The following KCNQ1 variants were observed in gnomAD, a reference collection of about 807,000 sequenced individuals.
The protein encoded by KCNQ1 is potassium voltage-gated channel subfamily KQT member 1.
Under a neutral mutation model 72.4 loss-of-function variants are expected in KCNQ1, and 49 were observed. That is an observed-to-expected ratio of 0.68 (90% confidence interval 0.54 to 0.86). KCNQ1 has a LOEUF of 0.86. Among genes scored for constraint, KCNQ1 ranks in the 40% least tolerant of loss-of-function variants. The pLI, the probability that KCNQ1 is intolerant of heterozygous loss-of-function variation, is 0.00. For synonymous variants in KCNQ1, 450 were observed against 412.6 expected, an observed-to-expected ratio of 1.09 and a Z score of -1.10; for missense variants, 790 against 945.1, an observed-to-expected ratio of 0.84 and a Z score of 2.15.
intron 2 of KCNQ1, among the ~76,000 whole-genome samples, chr11:2,556,665 A>T (rs1269896768): frequency 6.6e-6 from 1 of 152,216 alleles, no homozygotes. Flanking sequence ...GTTGCTTTCT[A>T]TACCCACAGA....
chr11:2,469,516 C>G (rs1846408584), intron 1 of KCNQ1, among the ~76,000 whole-genome samples: 1 of 152,144 alleles, frequency 6.6e-6, no homozygotes, highest in Non-Finnish European at 1.5e-5. Flanking sequence ...CGTGATCCAC[C>G]TGCCTCGGCC....
Position 2,544,268 on chromosome 11 carries a change from G to GTATATA in KCNQ1, c.477+16251_477+16252insATATAT, listed in dbSNP as rs1564811924. The stretch of plus-strand genomic sequence containing the variant: ...TGTGTGTATATATATATGTGTGTGT[G>GTATATA]TGTATATATATGTGTATATATATAT... On this transcript the variant is annotated intron_variant, in intron 2 of 15. Coordinates refer to ENST00000155840, the MANE Select transcript of KCNQ1 (RefSeq NM_000218.3). The surrounding 1 kb of genome is among the most constrained non-coding windows in gnomAD (Gnocchi z 4.4). 2.0e-3 allele frequency among the ~76,000 whole-genome samples: 281 copies of GTATATA among 140,036 alleles called. 7 individuals are homozygous for GTATATA. Among genetic ancestry groups the GTATATA allele is most frequent in the African/African-American group, 7.6e-3 (270 of 35,520 alleles). 91.9% of individuals were successfully genotyped at this position (140,036 alleles called of 152,430 possible). A position where few individuals can be genotyped will look rare whatever the true frequency, so the allele number is the denominator to read the frequency against.
intron 10 of KCNQ1, chr11:2,622,826 C>G (rs1442580996): frequency 5.0e-6 from 2 of 398,500 alleles, no homozygotes. Flanking sequence ...TTCCCATTAC[C>G]AACTCTCCCA....
chr11:2,635,152 G>A (rs1849440070), intron 10 of KCNQ1: 1 of 152,190 alleles, frequency 6.6e-6, no homozygotes, highest in African/African-American at 2.4e-5. Flanking sequence ...TCTGACGGTA[G>A]TTTCTTTTGC....
chr11:2,502,909 A>C (rs1330912601), intron 1 of KCNQ1, among the ~76,000 whole-genome samples: 1 of 152,242 alleles, frequency 6.6e-6, no homozygotes, highest in Non-Finnish European at 1.5e-5. Context: ...ATTTTTGACA[A>C]AGGTGCCAAG....
At position 2,768,735 on chromosome 11, in the gene KCNQ1, T is replaced by C; in HGVS notation, c.1515-109T>C. ...ATCCCATGGAGTTGAACACTCTCCTTGTTTCTGGAAGGATCCAGTCTGCGT... is the reference window on the plus strand; with the variant it reads ...ATCCCATGGAGTTGAACACTCTCCTCGTTTCTGGAAGGATCCAGTCTGCGT... On this transcript the variant is annotated intron_variant, in intron 11 of 15. Coordinates refer to ENST00000155840, the MANE Select transcript of KCNQ1 (RefSeq NM_000218.3). This position sits in a 1 kb window ranked among gnomAD's most constrained non-coding sequence, Gnocchi z 6.7. 1 of 860,466 alleles carries C rather than the reference T, an allele frequency of 1.2e-6. No individual in the cohort carries two copies. 53.3% of individuals were successfully genotyped at this position (860,466 alleles called of 1,614,324 possible).
At chr11:2,604,225 C>T (rs1382934423) in intron 10 of KCNQ1, among the ~76,000 whole-genome samples, 1 of 151,820 alleles carries the variant, frequency 6.6e-6, no homozygotes, top group Non-Finnish European at 1.5e-5. Context: ...CACCTGTAAT[C>T]CCAACAGTTT....
intron 1 of KCNQ1, among the ~76,000 whole-genome samples, chr11:2,449,606 C>A (rs1346324184): frequency 2.0e-5 from 3 of 152,146 alleles, no homozygotes; most frequent in African/African-American, 7.2e-5. Flanking sequence ...CAGCTCCAAA[C>A]CCACCCTATG....
rs765450078 is a variant in KCNQ1, at chr11:2,571,834, G to A, written c.684-179G>A. ...TTCAGAGCAGGCTCTGGGGGGCTGC[G>A]CCTGAGAGGGAGATTCCCAGGCCCC... On this transcript the variant is annotated intron_variant, in intron 4 of 15. Transcript: ENST00000155840. Among the ~76,000 whole-genome samples, 16 of 152,270 alleles carry A rather than the reference G, an allele frequency of 1.1e-4. 1 individual carries two copies. Among genetic ancestry groups the A allele is most frequent in the African/African-American group, 3.6e-4 (15 of 41,574 alleles).
Position 2,652,578 on chromosome 11 carries a change from G to A in KCNQ1, c.1394-9383G>A. The A allele has an allele frequency of 2.5e-6, 1 of 398,554 alleles. No individual in the cohort carries two copies. Among genetic ancestry groups the A allele is most frequent in the Non-Finnish European group, 4.4e-6 (1 of 226,094 alleles). The allele number at this position is 398,554 out of a possible 1,614,324, so 24.7% of individuals were successfully genotyped here. ...TCCATTGTATATTAAAGTTTCCTAGGGCTGCTCTTGCTGCCTGGAACCTTC... is the reference window on the plus strand; with the variant it reads ...TCCATTGTATATTAAAGTTTCCTAGAGCTGCTCTTGCTGCCTGGAACCTTC... On this transcript the variant is annotated intron_variant, in intron 10 of 15. Coordinates refer to ENST00000155840, the MANE Select transcript of KCNQ1 (RefSeq NM_000218.3). The surrounding 1 kb of genome is among the most constrained non-coding windows in gnomAD (Gnocchi z 5.9).
chr11:2,728,098 C>T (rs1198659301), intron 11 of KCNQ1, among the ~76,000 whole-genome samples: 1 of 152,200 alleles, frequency 6.6e-6, no homozygotes, highest in Admixed American at 6.5e-5. Flanking sequence ...CAGCTCCTTC[C>T]AGAGTGTTCT....
intron 10 of KCNQ1, chr11:2,637,637 A>G (rs914084956): frequency 6.6e-6 from 1 of 152,154 alleles, no homozygotes; most frequent in Non-Finnish European, 1.5e-5. Flanking sequence ...GTGCGATGTG[A>G]TGCTGAGAAG....
Position 2,781,277 on chromosome 11 carries a change from T to G in KCNQ1, c.1794+3240T>G, listed in dbSNP as rs2133996620. Among the ~76,000 whole-genome samples the G allele has an allele frequency of 6.6e-6, 1 of 152,260 alleles. No individual in the cohort carries two copies. The highest frequency in any genetic ancestry group is 1.5e-5 in the Non-Finnish European group (1 of 68,016). On this transcript the variant is annotated intron_variant, in intron 15 of 15. Transcript: ENST00000155840. The surrounding 1 kb of genome is among the most constrained non-coding windows in gnomAD (Gnocchi z 6.6). Reference sequence around the variant, plus strand: ...GGCTCAGAGAGGCTGAGTGGTCGCCTGAGGTCACACAGCTAGTTAGGTGAA... The same window carrying G: ...GGCTCAGAGAGGCTGAGTGGTCGCCGGAGGTCACACAGCTAGTTAGGTGAA...
chr11:2,654,074 C>G lies in KCNQ1; in HGVS notation c.1394-7887C>G, dbSNP rs1196452224. On this transcript the variant is annotated intron_variant, in intron 10 of 15. Transcript: ENST00000155840. The surrounding 1 kb of genome is among the most constrained non-coding windows in gnomAD (Gnocchi z 6.4). ...GTTGTGGGAATGGCTTTTACACTTT[C>G]CATCCATGTCCCTTACTTCTCGCCT... is the stretch of plus-strand genomic sequence containing the variant. 1.0e-5 allele frequency: 4 copies of G among 398,744 alleles called. No individual in the cohort carries two copies. Among genetic ancestry groups the G allele is most frequent in the Non-Finnish European group, 1.8e-5 (4 of 226,126 alleles). 24.7% of individuals were successfully genotyped at this position (398,744 alleles called of 1,614,324 possible).
At position 2,572,428 on chromosome 11, in the gene KCNQ1, C is replaced by A. The variant is rs112806966; in HGVS notation, c.780+319C>A. 1.1e-3 allele frequency among the ~76,000 whole-genome samples: 171 copies of A among 152,330 alleles called. 1 individual carries two copies. Among genetic ancestry groups the A allele is most frequent in the African/African-American group, 4.0e-3 (165 of 41,590 alleles). ...AGGCAAATCAAGGACCCGGTCAAGGCAGGGCCACCAGACTCCCTCCCGAGG... is the reference window on the plus strand; with the variant it reads ...AGGCAAATCAAGGACCCGGTCAAGGAAGGGCCACCAGACTCCCTCCCGAGG... On this transcript the variant is annotated intron_variant, in intron 5 of 15. Coordinates refer to ENST00000155840, the MANE Select transcript of KCNQ1 (RefSeq NM_000218.3).
At position 2,595,561 on chromosome 11, in the gene KCNQ1, A is replaced by C. The variant is rs958111040; in HGVS notation, c.1393+6707A>C. ...AAGCAACAAAGCCCGATGACAGTAC[A>C]TCTGTTGACAACATGGTTTACTGAA... is the stretch of plus-strand genomic sequence containing the variant. On this transcript the variant is annotated intron_variant, in intron 10 of 15. Coordinates refer to ENST00000155840, the MANE Select transcript of KCNQ1 (RefSeq NM_000218.3). The surrounding 1 kb of genome is among the most constrained non-coding windows in gnomAD (Gnocchi z 5.0). Among the ~76,000 whole-genome samples the C allele has an allele frequency of 5.3e-5, 8 of 152,176 alleles. No homozygotes were observed. The highest frequency in any genetic ancestry group is 1.9e-4 in the African/African-American group (8 of 41,450).
chr11:2,840,779 G>A (rs963207077), intron 15 of KCNQ1, among the ~76,000 whole-genome samples: 7 of 152,286 alleles, frequency 4.6e-5, no homozygotes, highest in South Asian at 4.2e-4. Flanking sequence ...ATCAATGAAC[G>A]TGAAAAGGCC....
rs985522224 is a variant in KCNQ1, at chr11:2,458,787, A to T, written c.386+13303A>T. On this transcript the variant is annotated intron_variant, in intron 1 of 15. Transcript: ENST00000155840. The surrounding 1 kb of genome is among the most constrained non-coding windows in gnomAD (Gnocchi z 4.6). The stretch of plus-strand genomic sequence containing the variant: ...GATACTACAGGAGGCCACTTGCAGA[A>T]TCCCAGTGGTGGGGGATGGCTCTGT... 3.3e-5 allele frequency among the ~76,000 whole-genome samples: 5 copies of T among 152,192 alleles called. No individual in the cohort carries two copies. The highest frequency in any genetic ancestry group is 1.2e-4 in the African/African-American group (5 of 41,442).
rs1846012793 is a variant in KCNQ1 at position 2,445,015 on chromosome 11, G to T, written c.-84G>T. 3.2e-6 allele frequency: 3 copies of T among 938,578 alleles called. No individual in the cohort carries two copies. The highest frequency in any genetic ancestry group is 6.0e-5 in the Admixed American group (1 of 16,750). The allele number at this position is 938,578 out of a possible 1,614,324, so 58.1% of individuals were successfully genotyped here. On this transcript the variant is annotated 5_prime_UTR_variant, in exon 1 of 16. Coordinates refer to ENST00000155840, the MANE Select transcript of KCNQ1 (RefSeq NM_000218.3). The stretch of plus-strand genomic sequence containing the variant: ...CGCGGCGGGGCTGGCAGCAGTGGCT[G>T]CCCGCACTGCGCCCGGGCGCTCGCC...
Sources: gnomAD v4.1 joint callset for allele counts (sites outside exome capture counted in the v4.1 genomes callset) on GRCh38, gnomAD v4.1.1 for gene constraint, Gnocchi (gnomAD v3.1) non-coding constraint, MANE v1.5 for transcripts, NCBI Gene and HGNC (gene_info 2026-07-23, HGNC 2026-07-21) for gene names.